Variants in LGR4 observed in about 807,000 individuals in gnomAD.
LGR4 encodes leucine-rich repeat-containing G protein-coupled receptor 4.
LGR4 carries 44 observed loss-of-function variants against 84.8 expected under a neutral mutation model. That is an observed-to-expected ratio of 0.52 (90% CI 0.41 to 0.67). The LOEUF is 0.67. Among genes scored for constraint, LGR4 ranks in the 30% least tolerant of loss-of-function variants. The pLI is 0.00. For synonymous variants in LGR4, 429 were observed against 434.3 expected, an observed-to-expected ratio of 0.99 and a Z score of 0.15; for missense variants, 1,032 against 1,131.4, an observed-to-expected ratio of 0.91 and a Z score of 1.26.
intron 2 of LGR4, among the ~76,000 whole-genome samples, chr11:27,393,938 T>TG (rs1565077421): frequency 0.018 from 79 of 4,272 alleles, no homozygotes; most frequent in Non-Finnish European, 0.032. Flanking sequence ...GCACTGAAGA[T>TG]TGGGGGGGGG....
intron 17 of LGR4, 102 bp downstream of exon 17, chr11:27,371,513 C>T: frequency 2.5e-6 from 2 of 790,016 alleles, no homozygotes; most frequent in East Asian, 2.6e-5. Flanking sequence ...TCCTCTAGTA[C>T]CATCCCTATT....
rs1337557860 is a variant in LGR4 at position 27,367,735 on chromosome 11, G to A, written c.*132C>T. On this transcript the variant is annotated 3_prime_UTR_variant, in exon 18 of 18. Transcript: ENST00000379214. Reference sequence around the variant, plus strand: ...AAATGACTGGTTTGAGAAATAAACTGCCACCTCTCCTTCTTCTAAGTGACA... The same window carrying A: ...AAATGACTGGTTTGAGAAATAAACTACCACCTCTCCTTCTTCTAAGTGACA... 3.1e-6 allele frequency: 2 copies of A among 635,430 alleles called. No homozygotes were observed. Among genetic ancestry groups the A allele is most frequent in the East Asian group, 2.6e-5 (1 of 37,892 alleles). 39.4% of individuals were successfully genotyped at this position (635,430 alleles called of 1,614,324 possible).
chr11:27,378,988 G>A (rs1183975828), intron 10 of LGR4: 4 of 531,960 alleles, frequency 7.5e-6, no homozygotes, highest in Non-Finnish European at 1.3e-5. Flanking sequence ...GACATTAGAT[G>A]TTGATACTGG....
intron 2 of LGR4, among the ~76,000 whole-genome samples, chr11:27,408,288 G>A (rs893459144): frequency 6.6e-6 from 1 of 152,068 alleles, no homozygotes; most frequent in Admixed American, 6.6e-5. Flanking sequence ...CAAAATGACA[G>A]GTAATCTTCA....
intron 1 of LGR4, among the ~76,000 whole-genome samples, chr11:27,455,245 C>A (rs1263072538): frequency 1.3e-5 from 2 of 151,896 alleles, no homozygotes; most frequent in Non-Finnish European, 2.9e-5. Context: ...TTTAACATAC[C>A]CTGGAGCACT....
chr11:27,378,917 C>G (rs1175795920), intron 10 of LGR4, 149 bp from the exon 11 acceptor site: 17 of 605,680 alleles, frequency 2.8e-5, no homozygotes, highest in Non-Finnish European at 3.8e-5. Context: ...GTTAGACATG[C>G]AAGAAGGTGA....
chr11:27,442,769 C>T (rs891323557), intron 1 of LGR4, among the ~76,000 whole-genome samples: 4 of 152,080 alleles, frequency 2.6e-5, no homozygotes, highest in African/African-American at 7.2e-5. Flanking sequence ...AAGAGAGGGC[C>T]GTAGAGAGAA....
At chr11:27,428,818 G>T (rs144826360) in intron 1 of LGR4, among the ~76,000 whole-genome samples, 2,142 of 152,246 alleles carry the variant, frequency 0.014, 53 homozygotes, top group African/African-American at 0.049. Context: ...GGACTCAAGG[G>T]ATCCTCCTGC....
At chr11:27,447,210 A>G (rs1260795848) in intron 1 of LGR4, among the ~76,000 whole-genome samples, 1 of 152,060 alleles carries the variant, frequency 6.6e-6, no homozygotes, top group Non-Finnish European at 1.5e-5. Flanking sequence ...AAGCGCTTAC[A>G]AACGATTCTG....
At chr11:27,373,412 T>G (rs1862921028) in intron 15 of LGR4, 139 bp downstream of exon 15, 1 of 717,292 alleles carries the variant, frequency 1.4e-6, no homozygotes, top group Non-Finnish European at 2.2e-6. Context: ...TTCACCAAAT[T>G]TGCAAAGACT....
At chr11:27,425,334 T>TTG (rs1319420567) in intron 1 of LGR4, among the ~76,000 whole-genome samples, 1 of 149,502 alleles carries the variant, frequency 6.7e-6, no homozygotes, top group African/African-American at 2.5e-5. Context: ...CAGTTTTTTT[T>TTG]TTTGTTTTTT....
chr11:27,466,522 G>C (rs1294871845), intron 1 of LGR4, among the ~76,000 whole-genome samples: 2 of 152,212 alleles, frequency 1.3e-5, no homozygotes, highest in East Asian at 3.9e-4. Flanking sequence ...GAAGCTGAGA[G>C]ATAGACCTGA....
chr11:27,401,688 T>C (rs902237096), intron 2 of LGR4, among the ~76,000 whole-genome samples: 10 of 152,170 alleles, frequency 6.6e-5, no homozygotes, highest in Admixed American at 4.6e-4. Context: ...CAGAATTCCG[T>C]TTTTATATAG....
Position 27,472,220 on chromosome 11 carries a change from A to G in LGR4, c.83T>C (p.Leu28Pro). 1 of 1,278,440 alleles carries G rather than the reference A, an allele frequency of 7.8e-7. No homozygotes were observed. Among genetic ancestry groups the G allele is most frequent in the African/African-American group, 1.6e-5 (1 of 62,150 alleles). The allele number at this position is 1,278,440 out of a possible 1,614,324, so 79.2% of individuals were successfully genotyped here. A position where few individuals can be genotyped will look rare whatever the true frequency, so the allele number is the denominator to read the frequency against. Residue 28 changes from leucine to proline, a missense_variant, in exon 1 of 18, where the codon CTC becomes CCC. Physicochemically the swap from Leu to Pro is moderately conservative, Grantham distance 98. Transcript: ENST00000379214. ...GTCGCAGCTGCAGGGCGCCGCGCAG[A>G]GAGGCGGCGCCGCGCCGCTGGGCCC... ...SAGPSGAAPP[L>P]CAAPCSCDGD...
chr11:27,458,254 A>G (rs115761411), intron 1 of LGR4, among the ~76,000 whole-genome samples: 1 of 152,362 alleles, frequency 6.6e-6, no homozygotes, highest in African/African-American at 2.4e-5. Context: ...TTACATTTAT[A>G]TGGCATCCTA....
intron 1 of LGR4, among the ~76,000 whole-genome samples, chr11:27,427,340 G>A (rs1204309792): frequency 1.3e-5 from 2 of 152,178 alleles, no homozygotes; most frequent in East Asian, 3.9e-4. Context: ...AAGTAAAGGA[G>A]TACAGGGAAG....
intron 13 of LGR4, among the ~76,000 whole-genome samples, chr11:27,375,309 A>AG (rs1862956927): frequency 6.6e-6 from 1 of 151,484 alleles, no homozygotes; most frequent in African/African-American, 2.4e-5. Context: ...AAAAAAAAAA[A>AG]AAAAGAAAAA....
chr11:27,380,526 A>T (rs1344688393), intron 9 of LGR4, 114 bp downstream of exon 9: 1 of 837,026 alleles, frequency 1.2e-6, no homozygotes, highest in Non-Finnish European at 1.9e-6. Context: ...ATTCTGCCCA[A>T]GGGAGAAAAA....
chr11:27,468,760 T>C (rs1017389440), intron 1 of LGR4, among the ~76,000 whole-genome samples: 1 of 151,508 alleles, frequency 6.6e-6, no homozygotes, highest in African/African-American at 2.4e-5. Context: ...AGTGGCATAG[T>C]AAAGCTATGA....
Sources: gnomAD v4.1 joint callset for allele counts (sites outside exome capture counted in the v4.1 genomes callset) on GRCh38, gnomAD v4.1.1 for gene constraint, MANE v1.5 for transcripts, NCBI Gene and HGNC (gene_info 2026-07-23, HGNC 2026-07-21) for gene names.